LINGO2: variants seen among roughly 807,000 people sequenced by gnomAD.
The protein encoded by LINGO2 is leucine rich repeat and Ig domain containing 2.
A neutral mutation model predicts 30.6 loss-of-function variants in LINGO2; 14 were observed. The ratio of observed to expected loss-of-function variants is 0.46; its 90% CI spans 0.30 to 0.72. The LOEUF (loss-of-function observed/expected upper bound fraction) is 0.72, where lower values mean the gene tolerates loss of function less well. LINGO2 is among the 30% of genes least tolerant of loss of function. The pLI is 0.07. For synonymous variants in LINGO2, 317 were observed against 288.5 expected (o/e 1.10, Z -1.00); for missense variants, 729 against 751.7 (o/e 0.97, Z 0.35).
chr9:28,786,685 C>T, the LINGO2 span, among the ~76,000 whole-genome samples: 1 of 152,112 alleles, frequency 6.6e-6, no homozygotes, highest in African/African-American at 2.4e-5. Flanking sequence ...TAACTACTGT[C>T]TGTCCTCACT....
intron 3 of LINGO2, among the ~76,000 whole-genome samples, chr9:28,298,705 A>G (rs2134198043): frequency 6.6e-6 from 1 of 151,502 alleles, no homozygotes; most frequent in Non-Finnish European, 1.5e-5. Context: ...AAAAATCAGA[A>G]TGAATGTATT....
the LINGO2 span, among the ~76,000 whole-genome samples, chr9:28,979,114 T>G: frequency 1.3e-4 from 20 of 152,222 alleles, no homozygotes; most frequent in South Asian, 3.1e-3. Context: ...CCTTTCTGTC[T>G]CGGGCTATCT....
At chr9:28,622,121 G>C (rs1329565732) in intron 1 of LINGO2, among the ~76,000 whole-genome samples, 2 of 151,844 alleles carry the variant, frequency 1.3e-5, no homozygotes, top group Non-Finnish European at 2.9e-5. Context: ...TAGCAAATGA[G>C]GTATCCATCC....
At chr9:27,999,512 G>T (rs16912226) in intron 5 of LINGO2, among the ~76,000 whole-genome samples, 2 of 151,452 alleles carry the variant, frequency 1.3e-5, no homozygotes, top group Non-Finnish European at 2.9e-5. Flanking sequence ...TGCTTATGTA[G>T]GGAGTGTGAT....
At chr9:28,619,149 T>C (rs565186154) in intron 1 of LINGO2, among the ~76,000 whole-genome samples, 52 of 152,292 alleles carry the variant, frequency 3.4e-4, no homozygotes, top group Non-Finnish European at 6.3e-4. Context: ...AGGGGTTTTA[T>C]ATGGGCTAGT....
chr9:28,299,044 T>A (rs754029108), intron 3 of LINGO2, among the ~76,000 whole-genome samples: 3 of 152,170 alleles, frequency 2.0e-5, no homozygotes, highest in Non-Finnish European at 4.4e-5. Context: ...TTTCAAAGGA[T>A]CCCCTTAGCA....
At chr9:28,323,807 G>A (rs867659351) in intron 3 of LINGO2, among the ~76,000 whole-genome samples, 3 of 152,252 alleles carry the variant, frequency 2.0e-5, no homozygotes, top group Middle Eastern at 6.8e-3. Context: ...ATCAGAATAA[G>A]AGGCTGAGGA....
chr9:28,537,951 C>G (rs1821508103), intron 1 of LINGO2, among the ~76,000 whole-genome samples: 1 of 150,692 alleles, frequency 6.6e-6, no homozygotes, highest in East Asian at 1.9e-4. Flanking sequence ...AAAAAGTTGC[C>G]CTAAAATTCT....
At chr9:28,335,902 T>C (rs570417760) in intron 3 of LINGO2, among the ~76,000 whole-genome samples, 59 of 152,242 alleles carry the variant, frequency 3.9e-4, no homozygotes, top group Admixed American at 1.4e-3. Flanking sequence ...TACATTCATT[T>C]CCAGGTTTTC....
chr9:28,684,869 G>C, the LINGO2 span, among the ~76,000 whole-genome samples: 1 of 151,992 alleles, frequency 6.6e-6, no homozygotes, highest in Non-Finnish European at 1.5e-5. Flanking sequence ...ACATGTGCAC[G>C]TTTGTTATAC....
the LINGO2 span, among the ~76,000 whole-genome samples, chr9:29,068,636 G>C: frequency 2.6e-5 from 4 of 151,704 alleles, no homozygotes; most frequent in African/African-American, 9.7e-5. Flanking sequence ...TAACCTAATG[G>C]GTAGTCCTTA....
chr9:28,233,622 T>C (rs1821452520), intron 4 of LINGO2, among the ~76,000 whole-genome samples: 1 of 152,196 alleles, frequency 6.6e-6, no homozygotes, highest in Non-Finnish European at 1.5e-5. Context: ...GTGTTAGGGT[T>C]TGCACCATCT....
intron 1 of LINGO2, among the ~76,000 whole-genome samples, chr9:28,607,148 T>C (rs976393650): frequency 4.6e-5 from 7 of 152,048 alleles, no homozygotes; most frequent in East Asian, 1.9e-4. Context: ...CAATGATCCA[T>C]TGGTGACCAG....
At chr9:28,274,129 G>T (rs1003569759) in intron 4 of LINGO2, among the ~76,000 whole-genome samples, 1 of 152,026 alleles carries the variant, frequency 6.6e-6, no homozygotes, top group Non-Finnish European at 1.5e-5. Flanking sequence ...CATATTTTTT[G>T]AATAATTGCT....
At chr9:28,482,756 A>G (rs1826027191) in intron 1 of LINGO2, among the ~76,000 whole-genome samples, 1 of 152,100 alleles carries the variant, frequency 6.6e-6, no homozygotes, top group Non-Finnish European at 1.5e-5. Context: ...AGGGTTCCCT[A>G]TTTAATAAAT....
chr9:28,381,521 G>T (rs1422516920), intron 2 of LINGO2, among the ~76,000 whole-genome samples: 1 of 152,036 alleles, frequency 6.6e-6, no homozygotes, highest in Non-Finnish European at 1.5e-5. Context: ...ATTTAGGCTG[G>T]AATGTATATG....
chr9:28,459,465 C>T (rs1258512825), intron 2 of LINGO2, among the ~76,000 whole-genome samples: 2 of 151,442 alleles, frequency 1.3e-5, no homozygotes, highest in East Asian at 1.9e-4. Flanking sequence ...AGAGTTGAAT[C>T]GATTTCAACA....
At chr9:29,209,613 T>C in the LINGO2 span, among the ~76,000 whole-genome samples, 1 of 152,134 alleles carries the variant, frequency 6.6e-6, no homozygotes, top group African/African-American at 2.4e-5. Context: ...ATTTAACCTT[T>C]CCCTCATATT....
intron 2 of LINGO2, among the ~76,000 whole-genome samples, chr9:28,462,296 C>T (rs539539382): frequency 4.6e-5 from 7 of 150,904 alleles, no homozygotes; most frequent in African/African-American, 1.2e-4. Flanking sequence ...AGAATTATGG[C>T]AGATAATTTG....
Sources: gnomAD v4.1 joint callset for allele counts (sites outside exome capture counted in the v4.1 genomes callset) on GRCh38, gnomAD v4.1.1 for gene constraint, MANE v1.5 for transcripts, NCBI Gene and HGNC (gene_info 2026-07-23, HGNC 2026-07-21) for gene names.